Variants in SLC13A2 observed in about 807,000 individuals in gnomAD.
The protein encoded by SLC13A2 is solute carrier family 13 member 2.
A neutral mutation model predicts 58.5 loss-of-function variants in SLC13A2; 40 were observed. The observed-to-expected ratio is 0.68, with a 90% CI of 0.53 to 0.89. The LOEUF (loss-of-function observed/expected upper bound fraction) is 0.89. Ranked by LOEUF, SLC13A2 falls within the 40% of genes least tolerant of loss-of-function variation. The pLI is 0.00. For synonymous variants in SLC13A2, 341 were observed against 331.6 expected (o/e 1.03, Z -0.31); for missense variants, 694 against 772.6 (o/e 0.90, Z 1.21).
In SLC13A2 at chr17:28,494,239, G is replaced by T; in HGVS notation, c.1186+134G>T. 4 of 1,498,066 alleles carry T rather than the reference G, an allele frequency of 2.7e-6. No individual in the cohort carries two copies. In the South Asian group the frequency reaches 3.5e-5, roughly 13 times the overall value. The allele number at this position is 1,498,066 out of a possible 1,614,324, so 92.8% of individuals were successfully genotyped here. A position where few individuals can be genotyped will look rare whatever the true frequency, so the allele number is the denominator to read the frequency against. On this transcript the variant is annotated intron_variant, in intron 8 of 11. Transcript: ENST00000314669. The surrounding 1 kb of genome is among the most constrained non-coding windows in gnomAD (Gnocchi z 4.0). The stretch of plus-strand genomic sequence containing the variant: ...TGGAGCGACTTGCCAAGGGCACAGG[G>T]ACTCGGAGACAAAGTTGAGATGTTG...
At chr17:28,492,801 A>G (rs1160971831) in intron 6 of SLC13A2, among the ~76,000 whole-genome samples, 1 of 152,198 alleles carries the variant, frequency 6.6e-6, no homozygotes, top group African/African-American at 2.4e-5. Context: ...ACGGGATAAG[A>G]GTGGTGGTAT....
chr17:28,493,234 T>C (rs2069063142), intron 6 of SLC13A2, among the ~76,000 whole-genome samples: 1 of 152,080 alleles, frequency 6.6e-6, no homozygotes. Flanking sequence ...TCCCGAAGGC[T>C]GTTGGAGGAG....
chr17:28,481,453 A>G (rs549242266), intron 1 of SLC13A2, among the ~76,000 whole-genome samples: 8 of 152,366 alleles, frequency 5.3e-5, no homozygotes, highest in African/African-American at 1.9e-4. Flanking sequence ...TAGAATGGTC[A>G]AAAGGGAAGG....
chr17:28,475,760 A>C lies in SLC13A2; in HGVS notation c.102+1946A>C, dbSNP rs560510029. On this transcript the variant is annotated intron_variant, in intron 1 of 11. Transcript: ENST00000314669. ...GCTGTCTTCTCTTGGCTTTGGTGAC[A>C]CCTTCTCCTGGTTCCTGCCCAGCCC... Among the ~76,000 whole-genome samples, 185 of 152,104 alleles carry C rather than the reference A, an allele frequency of 1.2e-3. 1 individual carries two copies. The highest frequency in any genetic ancestry group is 4.2e-3 in the African/African-American group (176 of 41,462).
At chr17:28,490,328 T>C (rs551438310) in intron 2 of SLC13A2, 126 bp from the exon 3 acceptor site, 2 of 1,607,180 alleles carry the variant, frequency 1.2e-6, no homozygotes, top group Non-Finnish European at 1.7e-6. Flanking sequence ...ACCATTTCCA[T>C]CCAGTTTCGA....
At chr17:28,497,077 A>G in intron 11 of SLC13A2, 22 bp from the exon 12 acceptor site, 1 of 1,610,898 alleles carries the variant, frequency 6.2e-7, no homozygotes, top group South Asian at 1.1e-5. Flanking sequence ...CTGCTTAGCC[A>G]AATGGACTCT....
At chr17:28,476,046 C>T (rs147390727) in intron 1 of SLC13A2, among the ~76,000 whole-genome samples, 1 of 152,144 alleles carries the variant, frequency 6.6e-6, no homozygotes, top group Non-Finnish European at 1.5e-5. Context: ...AAACCAAAAC[C>T]CTTCCTGCCC....
At chr17:28,479,445 G>T (rs1207464077) in intron 1 of SLC13A2, among the ~76,000 whole-genome samples, 1 of 152,092 alleles carries the variant, frequency 6.6e-6, no homozygotes, top group Non-Finnish European at 1.5e-5. Flanking sequence ...GCCCTACAAG[G>T]CTACAGGGAG....
At position 28,497,135 on chromosome 17, in the gene SLC13A2, C is replaced by T; in HGVS notation, c.1645C>T (p.Leu549=). The T allele has an allele frequency of 2.5e-6, 4 of 1,614,118 alleles. No homozygotes were observed. The highest frequency in any genetic ancestry group is 3.4e-6 in the Non-Finnish European group (4 of 1,180,004). ...AGFLLNIIGV[L]IIALAINSWG... ...ATTCCTCCTCAACATCATTGGAGTC[C>T]TGATCATCGCACTGGCCATCAACAG... The change falls in exon 12 of 12, where the codon CTG becomes TTG. Residue 549 remains leucine (L), a synonymous_variant. Coordinates refer to ENST00000314669, the MANE Select transcript of SLC13A2 (RefSeq NM_003984.4).
chr17:28,477,996 T>G (rs984644369), intron 1 of SLC13A2, among the ~76,000 whole-genome samples: 9 of 152,182 alleles, frequency 5.9e-5, no homozygotes, highest in African/African-American at 1.7e-4. Context: ...AGGCGGAGGT[T>G]GCAGTGAGCT....
At position 28,489,249 on chromosome 17, in the gene SLC13A2, G is replaced by A. The variant is rs568920994; in HGVS notation, c.138G>A (p.Ala46=). The A allele has an allele frequency of 1.9e-5, 31 of 1,613,816 alleles. No individual in the cohort carries two copies. In the East Asian group the frequency reaches 2.0e-4, roughly 10 times the overall value. Residue 46 remains alanine (A), a synonymous_variant, in exon 2 of 12, where the codon GCG becomes GCA. Transcript: ENST00000314669. ...AYCAYAIILM[A]LFWCTEALPL... is the part of the protein sequence containing the mutation. Reference sequence around the variant, plus strand: ...GCGCGTATGCCATCATCCTCATGGCGCTCTTCTGGTGCACTGAGGCCCTGC... The same window carrying A: ...GCGCGTATGCCATCATCCTCATGGCACTCTTCTGGTGCACTGAGGCCCTGC...
At chr17:28,482,553 G>A (rs781898008) in intron 1 of SLC13A2, among the ~76,000 whole-genome samples, 64 of 152,202 alleles carry the variant, frequency 4.2e-4, no homozygotes, top group South Asian at 2.3e-3. Context: ...TTTAAACCGC[G>A]TGTGGTAGTA....
chr17:28,486,218 T>C (rs1555601944), intron 1 of SLC13A2, among the ~76,000 whole-genome samples: 1 of 152,150 alleles, frequency 6.6e-6, no homozygotes, highest in Admixed American at 6.5e-5. Context: ...AAACAGAATG[T>C]CGAGAGCTAT....
chr17:28,492,097 G>C lies in SLC13A2; in HGVS notation c.878+245G>C, dbSNP rs902198344. ...TTCGCAACTAGATTTGTCAGTGCTG[G>C]GGCTGCAAACCAGGTCACTTGATGC... On this transcript the variant is annotated intron_variant, in intron 6 of 11. Transcript: ENST00000314669. Among the ~76,000 whole-genome samples the C allele has an allele frequency of 4.8e-4, 73 of 152,246 alleles. 1 individual carries two copies. The highest frequency in any genetic ancestry group is 1.6e-3 in the African/African-American group (68 of 41,550).
chr17:28,490,375 G>A lies in SLC13A2; in HGVS notation c.232-79G>A, dbSNP rs781948707. 1.5e-5 allele frequency: 25 copies of A among 1,613,848 alleles called. No homozygotes were observed. The South Asian group carries it at 2.5e-4, about 16-fold the overall frequency. On this transcript the variant is annotated intron_variant, in intron 2 of 11. Transcript: ENST00000314669. ...AATGCCAGTCTGTGGGAATGTCAGT[G>A]ACTGCATCCCATAACCTCGGGGGCA...
rs1358873164 is a variant in SLC13A2 at position 28,477,338 on chromosome 17, C to T, written c.102+3524C>T. On this transcript the variant is annotated intron_variant, in intron 1 of 11. Transcript: ENST00000314669. Reference sequence around the variant, plus strand: ...CCTCCCGAGTAGCTGGGACTACAGTCACCTGCCACCACGCCCGGCTAATTT... The same window carrying T: ...CCTCCCGAGTAGCTGGGACTACAGTTACCTGCCACCACGCCCGGCTAATTT... 3.3e-5 allele frequency among the ~76,000 whole-genome samples: 5 copies of T among 151,528 alleles called. No homozygotes were observed. The South Asian group carries it at 8.4e-4, about 25-fold the overall frequency.
At chr17:28,492,989 G>C (rs1025720109) in intron 6 of SLC13A2, among the ~76,000 whole-genome samples, 3 of 152,264 alleles carry the variant, frequency 2.0e-5, no homozygotes, top group Non-Finnish European at 4.4e-5. Flanking sequence ...GGTCAGCACA[G>C]TGCCAGGCAC....
At chr17:28,486,973 T>C (rs1205796589) in intron 1 of SLC13A2, among the ~76,000 whole-genome samples, 1 of 152,098 alleles carries the variant, frequency 6.6e-6, no homozygotes, top group African/African-American at 2.4e-5. Context: ...AATTCTTGTA[T>C]TTTTAGTAGA....
Position 28,491,727 on chromosome 17 carries a change from C to G in SLC13A2, c.756-3C>G, listed in dbSNP as rs782114102. The G allele has an allele frequency of 2.5e-6, 4 of 1,614,104 alleles. No homozygotes were observed. The highest frequency in any genetic ancestry group is 3.4e-6 in the Non-Finnish European group (4 of 1,179,966). On this transcript the variant is annotated splice_polypyrimidine_tract_variant and splice_region_variant and intron_variant, in intron 5 of 11. Transcript: ENST00000314669. ...CACACGGCAGCCCATGTTCCTCCTTCAGGCTCTTCCCCCAAAACGGCAACG... is the reference window on the plus strand; with the variant it reads ...CACACGGCAGCCCATGTTCCTCCTTGAGGCTCTTCCCCCAAAACGGCAACG...
Sources: gnomAD v4.1 joint callset for allele counts (sites outside exome capture counted in the v4.1 genomes callset) on GRCh38, gnomAD v4.1.1 for gene constraint, Gnocchi (gnomAD v3.1) non-coding constraint, MANE v1.5 for transcripts, NCBI Gene and HGNC (gene_info 2026-07-23, HGNC 2026-07-21) for gene names.